TGFA: variants seen among roughly 807,000 people sequenced by gnomAD.
The protein encoded by TGFA is protransforming growth factor alpha.
TGFA carries 12 observed loss-of-function variants against 21.7 expected under a neutral mutation model. The ratio of observed to expected loss-of-function variants is 0.55; its 90% CI spans 0.35 to 0.90. TGFA has a LOEUF of 0.90. Ranked by LOEUF, TGFA falls within the 40% of genes least tolerant of loss-of-function variation. TGFA has a pLI of 0.01. For missense variants in TGFA, 178 were observed against 210.8 expected, an observed-to-expected ratio of 0.84 and a Z score of 0.96; for synonymous variants, 79 against 88.1, an observed-to-expected ratio of 0.90 and a Z score of 0.58.
At chr2:70,482,440 A>AGTAG (rs1671153601) in intron 2 of TGFA, among the ~76,000 whole-genome samples, 1 of 152,198 alleles carries the variant, frequency 6.6e-6, no homozygotes, top group Admixed American at 6.5e-5. Flanking sequence ...AACAGAGTAC[A>AGTAG]GTAGGAAAAC....
At chr2:70,511,234 A>C (rs1553500888) in intron 2 of TGFA, among the ~76,000 whole-genome samples, 1 of 152,188 alleles carries the variant, frequency 6.6e-6, no homozygotes, top group Non-Finnish European at 1.5e-5. Flanking sequence ...AAGGCCTGCA[A>C]ATTTACATCA....
intron 1 of TGFA, among the ~76,000 whole-genome samples, chr2:70,518,196 G>A (rs1212286514): frequency 6.6e-6 from 1 of 152,226 alleles, no homozygotes; most frequent in Non-Finnish European, 1.5e-5. Flanking sequence ...GGGACAGGAA[G>A]GCTTCTAGGA....
At chr2:70,506,621 CAG>C (rs1671935542) in intron 2 of TGFA, among the ~76,000 whole-genome samples, 1 of 152,202 alleles carries the variant, frequency 6.6e-6, no homozygotes, top group Non-Finnish European at 1.5e-5. Context: ...ACAGCAGCAG[CAG>C]CAGCTAACAC....
At chr2:70,521,995 T>C (rs1672488314) in intron 1 of TGFA, among the ~76,000 whole-genome samples, 1 of 152,236 alleles carries the variant, frequency 6.6e-6, no homozygotes, top group Non-Finnish European at 1.5e-5. Flanking sequence ...AATTGGCCTC[T>C]CAAAGCCTTG....
At chr2:70,521,983 CAA>C (rs1672487697) in intron 1 of TGFA, among the ~76,000 whole-genome samples, 1 of 152,198 alleles carries the variant, frequency 6.6e-6, no homozygotes, top group Non-Finnish European at 1.5e-5. Flanking sequence ...CCATGGGAAT[CAA>C]ATTGGCCTCT....
chr2:70,489,714 A>G (rs1559116354), intron 2 of TGFA, among the ~76,000 whole-genome samples: 1 of 152,230 alleles, frequency 6.6e-6, no homozygotes, highest in Non-Finnish European at 1.5e-5. Context: ...TCTACCATGT[A>G]GGGTCTAGCT....
chr2:70,551,560 GGAAA>G (rs1673509880), intron 1 of TGFA, among the ~76,000 whole-genome samples: 1 of 152,150 alleles, frequency 6.6e-6, no homozygotes, highest in East Asian at 1.9e-4. Context: ...AAATCAGAGG[GGAAA>G]GCAGCTTTGA....
chr2:70,517,429 C>T (rs1574124750), intron 1 of TGFA, among the ~76,000 whole-genome samples: 1 of 152,222 alleles, frequency 6.6e-6, no homozygotes, highest in Admixed American at 6.5e-5. Context: ...GGGCTCAGGT[C>T]TCTCACTTTG....
chr2:70,508,403 C>A lies in TGFA; in HGVS notation c.94+6456G>T, dbSNP rs1671995603. On this transcript the variant is annotated intron_variant, in intron 2 of 5. Transcript: ENST00000295400. ...GAGGTTGCAGTGAGCCAAGATTGCA[C>A]CATTGCACGCTAGCCTGGGTGACAA... is the stretch of plus-strand genomic sequence containing the variant. Among the ~76,000 whole-genome samples the A allele has an allele frequency of 2.0e-5, 3 of 152,276 alleles. No homozygotes were observed. The South Asian group carries it at 6.2e-4, about 32-fold the overall frequency.
intron 4 of TGFA, among the ~76,000 whole-genome samples, chr2:70,454,420 G>A (rs1553490162): frequency 6.6e-6 from 1 of 152,258 alleles, no homozygotes; most frequent in African/African-American, 2.4e-5. Context: ...CGGGAGCCCA[G>A]AGCAGTGTGC....
chr2:70,485,520 G>T (rs549764005), intron 2 of TGFA, among the ~76,000 whole-genome samples: 1 of 152,156 alleles, frequency 6.6e-6, no homozygotes, highest in Non-Finnish European at 1.5e-5. Context: ...GTCCCTTTTA[G>T]TGTTTTATGA....
At chr2:70,532,948 C>G (rs954359937) in intron 1 of TGFA, among the ~76,000 whole-genome samples, 9 of 151,828 alleles carry the variant, frequency 5.9e-5, no homozygotes, top group African/African-American at 2.2e-4. Context: ...GCAGCCTCGA[C>G]CTCCCTGGGC....
intron 2 of TGFA, among the ~76,000 whole-genome samples, chr2:70,503,417 C>A (rs1292438393): frequency 1.6e-5 from 2 of 122,956 alleles, no homozygotes; most frequent in Admixed American, 9.2e-5. Flanking sequence ...CACACCGGGG[C>A]CTGTTGTGAG....
At chr2:70,456,829 T>TA (rs1209838835) in intron 3 of TGFA, among the ~76,000 whole-genome samples, 10 of 145,494 alleles carry the variant, frequency 6.9e-5, no homozygotes, top group African/African-American at 2.6e-4. Context: ...TGGCAGTTCA[T>TA]AAAAAATCCA....
rs1553507222 is a variant in TGFA, at chr2:70,553,761, G to C, written c.7C>G (p.Pro3Ala). 1 of 1,291,088 alleles carries C rather than the reference G, an allele frequency of 7.7e-7. No individual in the cohort carries two copies. Among genetic ancestry groups the C allele is most frequent in the African/African-American group, 1.5e-5 (1 of 65,528 alleles). The allele number at this position is 1,291,088 out of a possible 1,614,324, so 80.0% of individuals were successfully genotyped here. The change falls in exon 1 of 6, where the codon CCC becomes GCC. Residue 3 changes from proline to alanine, a missense_variant. Pro to Ala is a conservative substitution (Grantham distance 27, BLOSUM62 -1). Transcript: ENST00000295400. The stretch of plus-strand genomic sequence containing the variant: ...AACAGGGCGAGCTGTCCAGCCGAGG[G>C]GACCATTTTACGGGCGGGCGGGCAG... MV[P>A]SAGQLALFAL...
rs1011895202 is a variant in TGFA at position 70,450,295 on chromosome 2, T to C, written c.*564A>G. The C allele has an allele frequency of 1.3e-5, 2 of 152,498 alleles. No homozygotes were observed. Among genetic ancestry groups the C allele is most frequent in the South Asian group, 4.1e-4 (2 of 4,834 alleles). 9.4% of individuals were successfully genotyped at this position (152,498 alleles called of 1,614,324 possible). On this transcript the variant is annotated 3_prime_UTR_variant, in exon 6 of 6. Transcript: ENST00000295400. ...GGCGATAGCTTGGGATGGTCTTCAA[T>C]GTCATGTGTCCATGGAAGATGTTGG...
chr2:70,505,230 G>A (rs1574112225), intron 2 of TGFA, among the ~76,000 whole-genome samples: 1 of 152,154 alleles, frequency 6.6e-6, no homozygotes, highest in Non-Finnish European at 1.5e-5. Context: ...TACTCTCTGT[G>A]GGGTCTCACA....
chr2:70,463,215 G>A (rs1055417897), intron 3 of TGFA, among the ~76,000 whole-genome samples: 7 of 152,192 alleles, frequency 4.6e-5, no homozygotes, highest in Admixed American at 2.6e-4. Context: ...GAGGGGAGTT[G>A]TGAGGGATCC....
At position 70,516,156 on chromosome 2, in the gene TGFA, A is replaced by C. The variant is rs1672270096; in HGVS notation, c.41-1244T>G. ...TGAGCCACATTAGAATGACTTCCCA[A>C]AACTGAAACGCAAAAAGATGCCACA... is the stretch of plus-strand genomic sequence containing the variant. On this transcript the variant is annotated intron_variant, in intron 1 of 5. Coordinates refer to ENST00000295400, the MANE Select transcript of TGFA (RefSeq NM_003236.4). Among the ~76,000 whole-genome samples, 4 of 152,230 alleles carry C rather than the reference A, an allele frequency of 2.6e-5. No homozygotes were observed. In the South Asian group the frequency reaches 8.3e-4, roughly 32 times the overall value.
Sources: allele counts gnomAD v4.1 joint callset (sites outside exome capture counted in the v4.1 genomes callset), GRCh38; gene constraint gnomAD v4.1.1; transcripts MANE v1.5; gene names NCBI Gene and HGNC (gene_info 2026-07-23, HGNC 2026-07-21).